The following CHD4 variants were observed in gnomAD, a reference collection of about 807,000 sequenced individuals.
CHD4 encodes the protein chromodomain helicase DNA binding protein 4, also known as ATP-dependent chromatin remodeler CHD4.
CHD4 carries 35 observed loss-of-function variants against 235.5 expected under a neutral mutation model. The ratio of observed to expected loss-of-function variants is 0.15; its 90% CI spans 0.11 to 0.20. The LOEUF (loss-of-function observed/expected upper bound fraction) is 0.20, where lower values mean the gene tolerates loss of function less well. Ranked by LOEUF, CHD4 falls within the 10% of genes least tolerant of loss-of-function variation. The probability of loss-of-function intolerance (pLI) is 1.00; values close to 1 mark genes in which losing one functional copy is unlikely to be tolerated. For synonymous variants in CHD4, 900 were observed against 850.2 expected, an observed-to-expected ratio of 1.06 and a Z score of -1.02; for missense variants, 1,329 against 2,432.3, an observed-to-expected ratio of 0.55 and a Z score of 9.54.
At chr12:6,601,185 C>A in intron 6 of CHD4, 104 bp downstream of exon 6, 3 of 1,548,354 alleles carry the variant, frequency 1.9e-6, no homozygotes, top group Non-Finnish European at 2.6e-6. Flanking sequence ...TCATTCCTCC[C>A]TCCTATCTCC....
At chr12:6,572,560 A>G (rs1445148460) in intron 38 of CHD4, among the ~76,000 whole-genome samples, 1 of 151,972 alleles carries the variant, frequency 6.6e-6, no homozygotes, top group African/African-American at 2.4e-5. Flanking sequence ...GTGAGAGCCC[A>G]TCTCTTTTTT....
chr12:6,588,336 T>A lies in CHD4; in HGVS notation c.3427A>T (p.Ile1143Phe), dbSNP rs1948335886. 6.2e-7 allele frequency: 1 copy of A among 1,614,034 alleles called. No individual in the cohort carries two copies. The highest frequency in any genetic ancestry group is 8.5e-7 in the Non-Finnish European group (1 of 1,180,026). ...INLATADTVI[I>F]YDSDWNPHND... is the part of the protein sequence containing the mutation. Reference sequence around the variant, plus strand: ...TGGGGGTTCCAGTCAGAGTCATAGATAATAACTGTGTCAGCAGTGGCCAGA... The same window carrying A: ...TGGGGGTTCCAGTCAGAGTCATAGAAAATAACTGTGTCAGCAGTGGCCAGA... The change falls in exon 23 of 40, where the codon ATC becomes TTC. Residue 1143 changes from isoleucine to phenylalanine, a missense_variant. This residue lies in a region of CHD4 where 13 missense variants were observed against 141.9 expected (regional missense o/e 0.09). Transcript: ENST00000544040.
rs746196724 is a variant in CHD4 at position 6,601,056 on chromosome 12, A to G, written c.800-3T>C. 3.1e-5 allele frequency: 49 copies of G among 1,565,442 alleles called. 1 individual carries two copies. The Middle Eastern group carries it at 8.6e-4, about 27-fold the overall frequency. On this transcript the variant is annotated splice_polypyrimidine_tract_variant and splice_region_variant and intron_variant, in intron 6 of 39. Coordinates refer to ENST00000544040, the MANE Select transcript of CHD4 (RefSeq NM_001273.5). ...GGGCTTCCTCCGAGCATTGGGACCT[A>G]AAATCAGGATATATCCAAATATATA...
intron 12 of CHD4, among the ~76,000 whole-genome samples, chr12:6,596,919 A>C (rs1376179077): frequency 6.6e-6 from 1 of 151,092 alleles, no homozygotes; most frequent in Admixed American, 6.6e-5. Context: ...AGATCATACC[A>C]CTGCACTCCA....
intron 37 of CHD4, among the ~76,000 whole-genome samples, chr12:6,574,844 T>G (rs780785855): frequency 1.3e-5 from 2 of 152,340 alleles, no homozygotes; most frequent in Middle Eastern, 3.4e-3. Context: ...TCAAATCCAG[T>G]AAGTCAGGAG....
At position 6,595,436 on chromosome 12, in the gene CHD4, G is replaced by C; in HGVS notation, c.2025-6C>G. 3 of 1,612,774 alleles carry C rather than the reference G, an allele frequency of 1.9e-6. No individual in the cohort carries two copies. Among genetic ancestry groups the C allele is most frequent in the Non-Finnish European group, 2.5e-6 (3 of 1,179,090 alleles). On this transcript the variant is annotated splice_region_variant and splice_polypyrimidine_tract_variant and intron_variant, in intron 13 of 39. Coordinates refer to ENST00000544040, the MANE Select transcript of CHD4 (RefSeq NM_001273.5). ...CCTCACCCCTCATTAACTCCCTAAA[G>C]AAGAAAGACATCACACAGCTGCCCA...
At chr12:6,606,806 CT>C (rs1323208999) in intron 1 of CHD4, 1 of 114,250 alleles carries the variant, frequency 8.8e-6, no homozygotes, top group Non-Finnish European at 1.8e-5. Context: ...CACAAGGTCA[CT>C]TGGGGGTGGG....
chr12:6,588,482 A>C (rs1216591013), intron 22 of CHD4, 60 bp from the exon 23 acceptor site: 1 of 1,587,248 alleles, frequency 6.3e-7, no homozygotes, highest in East Asian at 2.3e-5. Flanking sequence ...TCATAAATGT[A>C]GTTTAAAAAA....
In CHD4 at chr12:6,578,017, G is replaced by A. The variant is rs200416968; in HGVS notation, c.5228+12C>T. 1 of 1,612,002 alleles carries A rather than the reference G, an allele frequency of 6.2e-7. No homozygotes were observed. Among genetic ancestry groups the A allele is most frequent in the Admixed American group, 1.7e-5 (1 of 60,024 alleles). ...CACCAAAAGCCTCAGTACAGATTCA[G>A]GCAAAGGATACTTTATAATGCCGGC... is the stretch of plus-strand genomic sequence containing the variant. On this transcript the variant is annotated intron_variant, in intron 36 of 39. Coordinates refer to ENST00000544040, the MANE Select transcript of CHD4 (RefSeq NM_001273.5).
intron 12 of CHD4, among the ~76,000 whole-genome samples, chr12:6,597,489 G>A (rs936036116): frequency 4.0e-5 from 6 of 151,478 alleles, no homozygotes; most frequent in South Asian, 2.1e-4. Flanking sequence ...AAGGCTGAGC[G>A]TGGTGGCTCA....
In CHD4 at chr12:6,582,653, A is replaced by C; in HGVS notation, c.4332T>G (p.Leu1444=). 6.2e-7 allele frequency: 1 copy of C among 1,614,056 alleles called. No individual in the cohort carries two copies. The highest frequency in any genetic ancestry group is 8.5e-7 in the Non-Finnish European group (1 of 1,179,984). Residue 1444 remains leucine, a synonymous_variant, in exon 29 of 40, where the codon CTT becomes CTG. Transcript: ENST00000544040. ...CTGATTTGCCTCGCAGGTCTCTTAC[A>C]AGCCACTGGGTAGTAAAAGCATCCT... is the stretch of plus-strand genomic sequence containing the variant. ...PPQDAFTTQW[L]VRDLRGKSEK... is the part of the protein sequence containing the mutation.
chr12:6,576,946 T>A (rs1948081682), intron 37 of CHD4, among the ~76,000 whole-genome samples: 1 of 152,268 alleles, frequency 6.6e-6, no homozygotes, highest in East Asian at 1.9e-4. Flanking sequence ...CACGTCTTTT[T>A]TTTTTTTTGA....
intron 25 of CHD4, chr12:6,584,251 T>C (rs2136204846): frequency 6.6e-6 from 1 of 152,312 alleles, no homozygotes; most frequent in Middle Eastern, 3.4e-3. Context: ...TGAGTGTACA[T>C]ATATGTGTAT....
Position 6,573,306 on chromosome 12 carries a change from A to G in CHD4, c.5362-37T>C, listed in dbSNP as rs1565599327. ...ATAAGAGGAAACGGGAGTTCGACTG[A>G]TAACTCACTTTACTCACTTCTGACT... On this transcript the variant is annotated intron_variant, in intron 37 of 39. Transcript: ENST00000544040. 7 of 1,489,442 alleles carry G rather than the reference A, an allele frequency of 4.7e-6. No individual in the cohort carries two copies. The East Asian group carries it at 7.6e-5, about 16-fold the overall frequency. The allele number at this position is 1,489,442 out of a possible 1,614,324, so 92.3% of individuals were successfully genotyped here.
Position 6,581,045 on chromosome 12 carries a change from T to C in CHD4, c.4908A>G (p.Lys1636=). The C allele has an allele frequency of 6.2e-7, 1 of 1,613,864 alleles. No individual in the cohort carries two copies. Among genetic ancestry groups the C allele is most frequent in the Non-Finnish European group, 8.5e-7 (1 of 1,179,924 alleles). ...CAAAAAAAATGTGGATACCTTTACC[T>C]TTGGGCTCTGTCTCCATAGGTTCCT... is the stretch of plus-strand genomic sequence containing the variant. ...RTEEPMETEP[K]GAADVEKVEE... is the part of the protein sequence containing the mutation. The change falls in exon 33 of 40, where the codon AAA becomes AAG. Residue 1636 remains lysine, a splice_region_variant and synonymous_variant. Transcript: ENST00000544040.
In CHD4 at chr12:6,578,153, G is replaced by C. The variant is rs1158742643; in HGVS notation, c.5120-16C>G. ...GAGTGCAACTCTGAGGAGGAATTTA[G>C]GGAAGGTTGGGGGTGGGGGGAAGCA... On this transcript the variant is annotated splice_polypyrimidine_tract_variant and intron_variant, in intron 35 of 39. Coordinates refer to ENST00000544040, the MANE Select transcript of CHD4 (RefSeq NM_001273.5). 1 of 1,602,536 alleles carries C rather than the reference G, an allele frequency of 6.2e-7. No individual in the cohort carries two copies. The highest frequency in any genetic ancestry group is 8.5e-7 in the Non-Finnish European group (1 of 1,172,714).
chr12:6,580,947 CAGTA>C, intron 33 of CHD4, 93 bp downstream of exon 33: 1 of 1,383,980 alleles, frequency 7.2e-7, no homozygotes, highest in Admixed American at 2.0e-5. Context: ...GTGGAGGTTG[CAGTA>C]AGCCAAGATC....
At chr12:6,595,515 T>C in intron 13 of CHD4, 85 bp from the exon 14 acceptor site, 1 of 1,173,356 alleles carries the variant, frequency 8.5e-7, no homozygotes, top group Non-Finnish European at 1.2e-6. Flanking sequence ...CTCACACCTG[T>C]AATCCCAGCA....
Position 6,591,860 on chromosome 12 carries a change from A to C in CHD4, c.3091-35T>G, listed in dbSNP as rs368239388. The C allele has an allele frequency of 3.1e-6, 5 of 1,613,656 alleles. No homozygotes were observed. In the African/African-American group the frequency reaches 5.3e-5, roughly 17 times the overall value. On this transcript the variant is annotated intron_variant, in intron 20 of 39. Transcript: ENST00000544040. ...AATGCAAAGAAAAAAGTATTAAAAGAAAGCCCACATGGAGAAGACCCAACC... is the reference window on the plus strand; with the variant it reads ...AATGCAAAGAAAAAAGTATTAAAAGCAAGCCCACATGGAGAAGACCCAACC...
Sources: gnomAD v4.1 joint callset for allele counts (sites outside exome capture counted in the v4.1 genomes callset) on GRCh38, gnomAD v4.1.1 for gene constraint, gnomAD v4.1.1 regional missense constraint, MANE v1.5 for transcripts, NCBI Gene and HGNC (gene_info 2026-07-23, HGNC 2026-07-21) for gene names.